The following FAM149B1 variants were observed in gnomAD, a reference collection of about 807,000 sequenced individuals.
The protein encoded by FAM149B1 is family with sequence similarity 149 member B1.
Under a neutral mutation model 75.3 loss-of-function variants are expected in FAM149B1, and 56 were observed. The observed-to-expected ratio is 0.74, with a 90% CI of 0.60 to 0.93. The LOEUF (loss-of-function observed/expected upper bound fraction) is 0.93, where lower values mean the gene tolerates loss of function less well. FAM149B1 is among the 40% of genes least tolerant of loss of function. The pLI, the probability that FAM149B1 is intolerant of heterozygous loss-of-function variation, is 0.00. For synonymous variants in FAM149B1, 259 were observed against 256.1 expected (o/e 1.01, Z -0.11); for missense variants, 639 against 708.4 (o/e 0.90, Z 1.11).
intron 7 of FAM149B1, among the ~76,000 whole-genome samples, chr10:73,219,196 C>T (rs1408433310): frequency 6.6e-6 from 1 of 151,982 alleles, no homozygotes; most frequent in Non-Finnish European, 1.5e-5. Context: ...ATAAATGTAA[C>T]CAAGGAAGTA....
intron 1 of FAM149B1, chr10:73,169,197 G>T (rs1843596586): frequency 6.6e-6 from 1 of 151,580 alleles, no homozygotes; most frequent in Non-Finnish European, 1.5e-5. Context: ...TGGAGGCGGG[G>T]GCCTGTAAAC....
chr10:73,206,952 A>C (rs2043076976), intron 5 of FAM149B1, among the ~76,000 whole-genome samples: 1 of 152,094 alleles, frequency 6.6e-6, no homozygotes, highest in African/African-American at 2.4e-5. Context: ...CAAATGTTGC[A>C]AGCAAGCTGT....
chr10:73,189,490 C>G (rs915430873), intron 3 of FAM149B1, among the ~76,000 whole-genome samples: 2 of 152,264 alleles, frequency 1.3e-5, no homozygotes, highest in African/African-American at 4.8e-5. Context: ...CTGAAAATAA[C>G]ATAAACGTCC....
intron 9 of FAM149B1, chr10:73,230,772 G>A (rs377416283): frequency 3.4e-5 from 13 of 386,274 alleles, no homozygotes; most frequent in African/African-American, 1.2e-4. Flanking sequence ...TGCCATGTGC[G>A]TGCTGTCCAG....
intron 1 of FAM149B1, among the ~76,000 whole-genome samples, chr10:73,170,369 T>C (rs1308452424): frequency 6.6e-6 from 1 of 152,110 alleles, no homozygotes; most frequent in East Asian, 1.9e-4. Flanking sequence ...CTGGGCATGG[T>C]GGCACATGCC....
At chr10:73,230,571 A>G in intron 9 of FAM149B1, 46 bp downstream of exon 9, 1 of 1,101,080 alleles carries the variant, frequency 9.1e-7, no homozygotes. Context: ...AAAGGGAAAC[A>G]GAGGGAAAGC....
rs1256714138 is a variant in FAM149B1 at position 73,208,731 on chromosome 10, A to G, written c.655A>G (p.Ile219Val). The change falls in exon 6 of 14, where the codon ATA becomes GTA. Residue 219 changes from isoleucine (I) to valine (V), a missense_variant. Coordinates refer to ENST00000242505, the MANE Select transcript of FAM149B1 (RefSeq NM_173348.2). ...TATGGAAAGAGATGAGGAAGACTCT[A>G]TAATCGTCTCAGAAGGAATAATTGA... ...CSMERDEEDS[I>V]IVSEGIIEEY... is the part of the protein sequence containing the mutation. The G allele has an allele frequency of 5.8e-6, 9 of 1,544,722 alleles. No individual in the cohort carries two copies. The highest frequency in any genetic ancestry group is 6.1e-6 in the Non-Finnish European group (7 of 1,142,864).
chr10:73,194,595 C>A (rs972616702), intron 5 of FAM149B1, among the ~76,000 whole-genome samples: 2 of 151,858 alleles, frequency 1.3e-5, no homozygotes, highest in African/African-American at 4.8e-5. Flanking sequence ...GAACTCCTGA[C>A]CTCATGATCC....
chr10:73,174,834 A>C, intron 2 of FAM149B1, 43 bp downstream of exon 2: 1 of 1,343,784 alleles, frequency 7.4e-7, no homozygotes, highest in Non-Finnish European at 1.0e-6. Flanking sequence ...GCACTTGCTC[A>C]TGGCAGAGGT....
chr10:73,191,553 G>A (rs979184055), intron 3 of FAM149B1, among the ~76,000 whole-genome samples: 1 of 152,046 alleles, frequency 6.6e-6, no homozygotes, highest in African/African-American at 2.4e-5. Context: ...GGCCAGGCTG[G>A]TCTGGAACTC....
Position 73,178,455 on chromosome 10 carries a change from C to T in FAM149B1, c.282+480C>T, listed in dbSNP as rs1013585518. On this transcript the variant is annotated intron_variant, in intron 3 of 13. Transcript: ENST00000242505. Reference sequence around the variant, plus strand: ...GCTGTGAGCCGAGATCACGCCATTGCGCTCTAGTCTGGGCAACAAGAACGA... The same window carrying T: ...GCTGTGAGCCGAGATCACGCCATTGTGCTCTAGTCTGGGCAACAAGAACGA... 7.3e-5 allele frequency among the ~76,000 whole-genome samples: 11 copies of T among 151,326 alleles called. No homozygotes were observed. The South Asian group carries it at 1.5e-3, about 20-fold the overall frequency.
chr10:73,240,230 G>A (rs1025921562), intron 13 of FAM149B1, among the ~76,000 whole-genome samples: 11 of 152,196 alleles, frequency 7.2e-5, no homozygotes, highest in Admixed American at 2.0e-4. Context: ...GGACAGCTGA[G>A]ATGTTTCCTG....
intron 4 of FAM149B1, among the ~76,000 whole-genome samples, 178 bp from the exon 5 acceptor site, chr10:73,193,299 C>A (rs1443307922): frequency 9.1e-6 from 1 of 110,220 alleles, no homozygotes; most frequent in East Asian, 4.0e-4. Context: ...CATCTCCATT[C>A]TATGGAAGAG....
intron 9 of FAM149B1, chr10:73,231,019 A>T (rs1161133328): frequency 1.3e-5 from 2 of 153,418 alleles, no homozygotes; most frequent in Admixed American, 1.3e-4. Context: ...TTCTGATCAA[A>T]GATAATTGAC....
chr10:73,193,654 CA>C, intron 5 of FAM149B1, 61 bp downstream of exon 5: 1 of 1,482,620 alleles, frequency 6.7e-7, no homozygotes, highest in East Asian at 2.5e-5. Flanking sequence ...TATGTCCTAC[CA>C]GTTGTATTAA....
At chr10:73,205,701 G>T (rs1564698121) in intron 5 of FAM149B1, among the ~76,000 whole-genome samples, 2 of 152,026 alleles carry the variant, frequency 1.3e-5, no homozygotes, top group East Asian at 3.9e-4. Flanking sequence ...CTACAGGTGT[G>T]CACCACTGTG....
At position 73,204,771 on chromosome 10, in the gene FAM149B1, CTTTTTTTTTTTT is replaced by C. The variant is rs772508767; in HGVS notation, c.543-3835_543-3824del. Among the ~76,000 whole-genome samples, 235 of 92,950 alleles carry C rather than the reference CTTTTTTTTTTTT, an allele frequency of 2.5e-3. 1 individual carries two copies. Among genetic ancestry groups the C allele is most frequent in the African/African-American group, 9.7e-3 (212 of 21,852 alleles). 61.0% of individuals were successfully genotyped at this position (92,950 alleles called of 152,430 possible). A position where few individuals can be genotyped will look rare whatever the true frequency, so the allele number is the denominator to read the frequency against. ...AGATGTAATTATAAATGTGATTATT[CTTTTTTTTTTTT>C]TTTTTTTTTTTTGAGACGGAGTCTC... On this transcript the variant is annotated intron_variant, in intron 5 of 13. Coordinates refer to ENST00000242505, the MANE Select transcript of FAM149B1 (RefSeq NM_173348.2).
In FAM149B1 at chr10:73,174,692, G is replaced by A. The variant is rs1237006426; in HGVS notation, c.53G>A (p.Gly18Glu). Residue 18 changes from glycine (G) to glutamate (E), a missense_variant, in exon 2 of 14, where the codon GGA (glycine) becomes GAA (glutamate). By Grantham distance (98) the Gly-to-Glu change is moderately conservative. Transcript: ENST00000242505. ...KAVPQSLELK[G>E]ITKHALNHHP... Reference sequence around the variant, plus strand: ...CTTTGTTTTGTCTTTCACAGGAAAGGAATAACAAAACATGCTCTTAACCAT... The same window carrying A: ...CTTTGTTTTGTCTTTCACAGGAAAGAAATAACAAAACATGCTCTTAACCAT... The A allele has an allele frequency of 1.3e-6, 2 of 1,547,608 alleles. No individual in the cohort carries two copies. The highest frequency in any genetic ancestry group is 8.7e-7 in the Non-Finnish European group (1 of 1,144,238).
At chr10:73,196,568 G>A (rs1010794471) in intron 5 of FAM149B1, among the ~76,000 whole-genome samples, 8 of 152,074 alleles carry the variant, frequency 5.3e-5, no homozygotes, top group Non-Finnish European at 7.4e-5. Context: ...TTTATCAACC[G>A]CTAAGACTTT....
Sources: gnomAD v4.1 joint callset for allele counts (sites outside exome capture counted in the v4.1 genomes callset) on GRCh38, gnomAD v4.1.1 for gene constraint, MANE v1.5 for transcripts, NCBI Gene and HGNC (gene_info 2026-07-23, HGNC 2026-07-21) for gene names.